MTA3: variants seen among roughly 807,000 people sequenced by gnomAD.
MTA3 encodes metastasis associated 1 family member 3.
MTA3 carries 34 observed loss-of-function variants against 83.5 expected under a neutral mutation model. That is an observed-to-expected ratio of 0.41 (90% CI 0.31 to 0.54). The LOEUF (loss-of-function observed/expected upper bound fraction) is 0.54. Ranked by LOEUF, MTA3 falls within the 20% of genes least tolerant of loss-of-function variation. The pLI is 0.33. For missense variants in MTA3, 761 were observed against 726.4 expected, an observed-to-expected ratio of 1.05 and a Z score of -0.55; for synonymous variants, 303 against 252.7, an observed-to-expected ratio of 1.20 and a Z score of -1.89.
chr2:42,727,548 T>C (rs568860123), intron 16 of MTA3, among the ~76,000 whole-genome samples: 2 of 152,244 alleles, frequency 1.3e-5, no homozygotes, highest in African/African-American at 4.8e-5. Flanking sequence ...AACATTTCCA[T>C]GTCAGAAAGC....
At chr2:42,720,951 C>CAAAAAAAAAAAAAAA (rs377702701) in intron 15 of MTA3, among the ~76,000 whole-genome samples, 4 of 69,586 alleles carry the variant, frequency 5.7e-5, no homozygotes, top group Admixed American at 1.7e-4. Flanking sequence ...GACCCTGTCT[C>CAAAAAAAAAAAAAAA]AAAAAAAAAA....
At chr2:42,538,727 GAAAA>G (rs1676374451) in intron 2 of MTA3, among the ~76,000 whole-genome samples, 1 of 132,658 alleles carries the variant, frequency 7.5e-6, no homozygotes, top group African/African-American at 2.7e-5. Context: ...AAAAAAAAAA[GAAAA>G]AGAAAAGAAA....
At chr2:42,644,057 C>A in intron 5 of MTA3, 70 bp from the exon 6 acceptor site, 1 of 915,482 alleles carries the variant, frequency 1.1e-6, no homozygotes, top group Non-Finnish European at 1.6e-6. Flanking sequence ...ATTGTAGCAA[C>A]ATTGATTTTA....
intron 2 of MTA3, among the ~76,000 whole-genome samples, chr2:42,573,178 T>TA (rs1678682480): frequency 6.6e-6 from 1 of 152,220 alleles, no homozygotes; most frequent in Non-Finnish European, 1.5e-5. Flanking sequence ...TTCATAGTGT[T>TA]AAAATCTTTG....
At chr2:42,522,684 C>G (rs1675480959) in intron 2 of MTA3, among the ~76,000 whole-genome samples, 1 of 151,710 alleles carries the variant, frequency 6.6e-6, no homozygotes, top group South Asian at 2.1e-4. Flanking sequence ...GTAGTCCCAG[C>G]TATTCCAGAG....
intron 9 of MTA3, among the ~76,000 whole-genome samples, chr2:42,690,162 A>G (rs988453610): frequency 1.3e-5 from 2 of 152,120 alleles, no homozygotes; most frequent in African/African-American, 4.8e-5. Flanking sequence ...GCATTACACT[A>G]TCTCAGTTAA....
At chr2:42,676,753 GAGAC>G (rs1167791152) in intron 8 of MTA3, among the ~76,000 whole-genome samples, 1 of 152,148 alleles carries the variant, frequency 6.6e-6, no homozygotes, top group Non-Finnish European at 1.5e-5. Context: ...GCAACAGAGT[GAGAC>G]CCTGTCTCCA....
At chr2:42,612,226 G>T (rs1005508699) in intron 4 of MTA3, among the ~76,000 whole-genome samples, 1 of 151,988 alleles carries the variant, frequency 6.6e-6, no homozygotes, top group East Asian at 1.9e-4. Context: ...ACTTTTTATC[G>T]ATTGACTGTG....
Position 42,635,977 on chromosome 2 carries a change from G to C in MTA3, c.318-4196G>C, listed in dbSNP as rs149195166. Among the ~76,000 whole-genome samples the C allele has an allele frequency of 6.4e-3, 976 of 152,122 alleles. 8 individuals carry two copies. Among genetic ancestry groups the C allele is most frequent in the African/African-American group, 0.021 (889 of 41,488 alleles). On this transcript the variant is annotated intron_variant, in intron 4 of 16. Transcript: ENST00000405094. ...GATGGAGTTTCACCATGTTGCCCAG[G>C]CTGGTCTTGAACTATACCTGAGCTC... is the stretch of plus-strand genomic sequence containing the variant.
chr2:42,707,275 A>T (rs1308100134), intron 12 of MTA3, among the ~76,000 whole-genome samples: 3 of 147,242 alleles, frequency 2.0e-5, no homozygotes, highest in African/African-American at 7.6e-5. Flanking sequence ...ATGGAGCCTC[A>T]CTCTGTCGCC....
At chr2:42,611,941 A>G (rs994980030) in intron 4 of MTA3, among the ~76,000 whole-genome samples, 9 of 152,192 alleles carry the variant, frequency 5.9e-5, no homozygotes, top group African/African-American at 1.9e-4. Context: ...GGCTGGGACT[A>G]CAAGTGCTTT....
In MTA3 at chr2:42,677,066, A is replaced by G. The variant is rs535478171; in HGVS notation, c.703-5335A>G. On this transcript the variant is annotated intron_variant, in intron 8 of 16. Transcript: ENST00000405094. ...AATCAGACTTTTTTTTCTCTACACT[A>G]TACCTAACATAAGGTTTAATTTATA... Among the ~76,000 whole-genome samples, 6 of 152,276 alleles carry G rather than the reference A, an allele frequency of 3.9e-5. No homozygotes were observed. In the East Asian group the frequency reaches 1.2e-3, roughly 29 times the overall value.
At chr2:42,677,923 G>A (rs1353910785) in intron 8 of MTA3, among the ~76,000 whole-genome samples, 1 of 152,062 alleles carries the variant, frequency 6.6e-6, no homozygotes, top group Non-Finnish European at 1.5e-5. Context: ...TCTATTTTCA[G>A]ACCACAGTTG....
chr2:42,651,034 T>C (rs546417258), intron 6 of MTA3, among the ~76,000 whole-genome samples: 33 of 152,336 alleles, frequency 2.2e-4, no homozygotes, highest in African/African-American at 7.5e-4. Flanking sequence ...TGGTATAGTC[T>C]ATTGCTCCCA....
intron 2 of MTA3, among the ~76,000 whole-genome samples, chr2:42,510,085 G>C (rs539417361): frequency 2.6e-5 from 4 of 152,232 alleles, no homozygotes; most frequent in South Asian, 4.1e-4. Context: ...CAGCACTTTG[G>C]GGGGCCAAGG....
chr2:42,549,317 AAT>A (rs1283286742), intron 2 of MTA3, among the ~76,000 whole-genome samples: 2 of 109,000 alleles, frequency 1.8e-5, no homozygotes, highest in Non-Finnish European at 3.5e-5. Flanking sequence ...TATAATATAT[AAT>A]ATATTATATA....
At chr2:42,554,304 T>G (rs1197179932) in intron 2 of MTA3, among the ~76,000 whole-genome samples, 1 of 152,222 alleles carries the variant, frequency 6.6e-6, no homozygotes. Flanking sequence ...GATGGTGAAC[T>G]CCTTGAGTCC....
chr2:42,559,642 G>T (rs956453468), intron 2 of MTA3, among the ~76,000 whole-genome samples: 3 of 152,000 alleles, frequency 2.0e-5, no homozygotes, highest in African/African-American at 7.3e-5. Flanking sequence ...ACTTTGGGAG[G>T]CTAAGGCAGG....
chr2:42,678,492 C>T (rs1475077938), intron 8 of MTA3, among the ~76,000 whole-genome samples: 1 of 152,062 alleles, frequency 6.6e-6, no homozygotes, highest in Admixed American at 6.6e-5. Flanking sequence ...TGACTGCCAC[C>T]ACACCCAGCT....
Sources: gnomAD v4.1 joint callset for allele counts (sites outside exome capture counted in the v4.1 genomes callset) on GRCh38, gnomAD v4.1.1 for gene constraint, MANE v1.5 for transcripts, NCBI Gene and HGNC (gene_info 2026-07-23, HGNC 2026-07-21) for gene names.